Variants in EFHB observed in about 807,000 individuals in gnomAD.
The protein encoded by EFHB is EF-hand domain-containing family member B.
Under a neutral mutation model 87.2 loss-of-function variants are expected in EFHB, and 91 were observed. The observed-to-expected ratio is 1.04, with a 90% CI of 0.88 to 1.24. The LOEUF is 1.24. EFHB is among the 50% of genes most tolerant of loss of function. EFHB has a pLI of 0.00. For missense variants in EFHB, 1,084 were observed against 998.8 expected (o/e 1.09, Z -1.15); for synonymous variants, 325 against 333.6 (o/e 0.97, Z 0.28).
intron 1 of EFHB, among the ~76,000 whole-genome samples, chr3:19,924,321 C>A (rs1463233854): frequency 1.3e-5 from 2 of 150,940 alleles, no homozygotes; most frequent in African/African-American, 4.9e-5. Context: ...TCAAGTGATT[C>A]TCCTGCCTCA....
At chr3:19,905,479 T>C (rs948174235) in intron 6 of EFHB, 141 bp downstream of exon 6, 1 of 946,224 alleles carries the variant, frequency 1.1e-6, no homozygotes, top group Non-Finnish European at 1.6e-6. Flanking sequence ...TACATTACAC[T>C]GTTTTTTCTA....
chr3:19,899,467 T>C lies in EFHB; in HGVS notation c.1467A>G (p.Glu489=). 1.2e-6 allele frequency: 2 copies of C among 1,606,996 alleles called. No individual in the cohort carries two copies. The highest frequency in any genetic ancestry group is 1.7e-6 in the Non-Finnish European group (2 of 1,177,918). The change falls in exon 7 of 13, where the codon GAA becomes GAG. Residue 489 remains glutamate (E), a synonymous_variant. Coordinates refer to ENST00000295824, the MANE Select transcript of EFHB (RefSeq NM_144715.4). The part of the protein sequence containing the change: ...FVSKRADDFK[E]KFQHKLGRVL... ...CTCTTCCAAGTTTATGTTGAAACTT[T>C]TCTTTGAAATCATCTGCTCTTTTGG...
rs147510880 is a variant in EFHB at position 19,939,370 on chromosome 3, CTTTTTTT to C, written c.-31-3043_-31-3037del. 3.3e-4 allele frequency among the ~76,000 whole-genome samples: 21 copies of C among 64,588 alleles called. No homozygotes were observed. The South Asian group carries it at 5.8e-3, about 18-fold the overall frequency. The allele number at this position is 64,588 out of a possible 152,430, so 42.4% of individuals were successfully genotyped here. ...TGCCACTCAAACTGGGTTGGGTCTCCTTTTTTTTTTTTTTTTTTTTTTTTTTTTTTGG... is the reference window on the plus strand; with the variant it reads ...TGCCACTCAAACTGGGTTGGGTCTCCTTTTTTTTTTTTTTTTTTTTTTTGG... On this transcript the variant is annotated intron_variant, in intron 1 of 14. Coordinates refer to the EFHB transcript ENST00000344838.
rs1003119772 is a variant in EFHB, at chr3:19,933,349, C to T, written c.670G>A (p.Ala224Thr). ...TCCTTTCTCTGTTCATGTTGTTGGG[C>T]AAACTGGCATTGGGGAGGTTCTATC... ...LVIEPPQCQF[A>T]QQHEQRKEAG... Residue 224 changes from alanine (A) to threonine (T), a missense_variant, in exon 1 of 13, where the codon GCC becomes ACC. Ala to Thr is a moderately conservative substitution (Grantham distance 58). Transcript: ENST00000295824. 26 of 1,613,962 alleles carry T rather than the reference C, an allele frequency of 1.6e-5. No individual in the cohort carries two copies. The highest frequency in any genetic ancestry group is 2.2e-5 in the Non-Finnish European group (26 of 1,179,890).
chr3:19,935,059 C>T (rs113600966), upstream of EFHB, among the ~76,000 whole-genome samples: 6,631 of 152,008 alleles, frequency 0.044, 457 homozygotes, highest in African/African-American at 0.15. Context: ...TACAGGCATG[C>T]GCCACCATGC....
intron 4 of EFHB, among the ~76,000 whole-genome samples, chr3:19,917,202 C>A (rs1431149299): frequency 6.7e-6 from 1 of 150,154 alleles, no homozygotes; most frequent in African/African-American, 2.4e-5. Context: ...AGACCCCAGC[C>A]TCTATATAAA....
At chr3:19,889,521 T>C (rs1694229173) in intron 9 of EFHB, among the ~76,000 whole-genome samples, 1 of 152,144 alleles carries the variant, frequency 6.6e-6, no homozygotes, top group South Asian at 2.1e-4. Flanking sequence ...GTATTTAAGC[T>C]CTTACTGCCC....
chr3:19,893,554 G>A (rs912093825), intron 9 of EFHB, among the ~76,000 whole-genome samples: 1 of 152,162 alleles, frequency 6.6e-6, no homozygotes, highest in Admixed American at 6.5e-5. Context: ...CACTCCTGAA[G>A]ACTGCATCAT....
In EFHB at chr3:19,918,767, G is replaced by C. The variant is rs966161349; in HGVS notation, c.997-355C>G. 4.6e-5 allele frequency among the ~76,000 whole-genome samples: 7 copies of C among 151,238 alleles called. No homozygotes were observed. In the East Asian group the frequency reaches 1.2e-3, roughly 25 times the overall value. ...AGGCGGGCAGATCACCTGAGGTCTG[G>C]AGTTTGAGACCAGCCTGGCCAACAT... is the stretch of plus-strand genomic sequence containing the variant. On this transcript the variant is annotated intron_variant, in intron 3 of 12. Coordinates refer to ENST00000295824, the MANE Select transcript of EFHB (RefSeq NM_144715.4).
Position 19,892,762 on chromosome 3 carries a change from G to A in EFHB, c.1725+3925C>T, listed in dbSNP as rs145009704. 9.2e-3 allele frequency among the ~76,000 whole-genome samples: 1,396 copies of A among 152,084 alleles called. 25 individuals are homozygous for A. The highest frequency in any genetic ancestry group is 0.032 in the African/African-American group (1,308 of 41,472). On this transcript the variant is annotated intron_variant, in intron 9 of 12. Transcript: ENST00000295824. ...CCCAGCAACATGGGAGGCTGAGGCA[G>A]GAGGATCACTTGAGGCTCAGAGTTC...
At chr3:19,944,903 C>A (rs996230838) in intron 1 of EFHB, among the ~76,000 whole-genome samples, 8 of 152,122 alleles carry the variant, frequency 5.3e-5, no homozygotes, top group Admixed American at 1.3e-4. Flanking sequence ...ATGGTCACAG[C>A]CCTTAAAAAC....
Position 19,884,478 on chromosome 3 carries a change from T to TA in EFHB, c.2070_2071insT (p.Ser691Ter). ...TTATAGTAGTTGGAAACTTTATCAC[T>TA]TGGTCTCAGAAGTGTCCGGAGAGTC... On this transcript the variant is annotated frameshift_variant, in exon 11 of 13. Transcript: ENST00000295824. LOFTEE classifies it high-confidence loss of function. The TA allele has an allele frequency of 6.2e-7, 1 of 1,613,988 alleles. No homozygotes were observed.
chr3:19,937,196 A>G (rs1696045044), upstream of EFHB, among the ~76,000 whole-genome samples: 1 of 152,212 alleles, frequency 6.6e-6, no homozygotes, highest in South Asian at 2.1e-4. Flanking sequence ...TATTTTCTAC[A>G]ACTTTCTAGA....
At chr3:19,928,769 AT>A (rs1208356913) in intron 1 of EFHB, among the ~76,000 whole-genome samples, 2 of 151,942 alleles carry the variant, frequency 1.3e-5, no homozygotes, top group East Asian at 3.9e-4. Flanking sequence ...TTAATATTGT[AT>A]TTTTTTTCTT....
intron 10 of EFHB, among the ~76,000 whole-genome samples, chr3:19,886,829 A>G (rs1035128101): frequency 2.6e-5 from 4 of 152,182 alleles, no homozygotes; most frequent in Non-Finnish European, 5.9e-5. Context: ...ATAAAATTGC[A>G]AATCAGTAAA....
intron 6 of EFHB, among the ~76,000 whole-genome samples, chr3:19,902,778 T>C (rs557520395): frequency 1.8e-4 from 28 of 152,370 alleles, no homozygotes; most frequent in African/African-American, 6.0e-4. Context: ...ACTCCACGTT[T>C]GTAACAGAAA....
In EFHB at chr3:19,933,723, C is replaced by T. The variant is rs17795400; in HGVS notation, c.296G>A (p.Gly99Glu). ...LGVDSVSASQ[G>E]TKPSLLPGRM... ...TCCTGGCAACAGAGAAGGTTTTGTT[C>T]CCTGTGAAGCTGAGACACTGTCGAC... Residue 99 changes from glycine to glutamate, a missense_variant, in exon 1 of 13, where the codon GGA (glycine) becomes GAA (glutamate). Coordinates refer to ENST00000295824, the MANE Select transcript of EFHB (RefSeq NM_144715.4). 2 of 1,613,656 alleles carry T rather than the reference C, an allele frequency of 1.2e-6. No individual in the cohort carries two copies. Among genetic ancestry groups the T allele is most frequent in the Non-Finnish European group, 8.5e-7 (1 of 1,179,846 alleles).
chr3:19,888,356 G>T, intron 10 of EFHB, 88 bp downstream of exon 10: 2 of 723,210 alleles, frequency 2.8e-6, no homozygotes, highest in South Asian at 4.8e-5. Context: ...GGGCAACATA[G>T]TGAGACCTCG....
chr3:19,908,602 A>AGAGAGAGAGAG (rs1559459816), intron 5 of EFHB, among the ~76,000 whole-genome samples: 73 of 77,232 alleles, frequency 9.5e-4, no homozygotes, highest in South Asian at 1.4e-3. Context: ...GAGAGAGAGA[A>AGAGAGAGAGAG]AGAAAGAAAG....
Sources: gnomAD v4.1 joint callset for allele counts (sites outside exome capture counted in the v4.1 genomes callset) on GRCh38, gnomAD v4.1.1 for gene constraint, MANE v1.5 for transcripts, NCBI Gene and HGNC (gene_info 2026-07-23, HGNC 2026-07-21) for gene names.